TTI1: variants seen among roughly 807,000 people sequenced by gnomAD.
TTI1 encodes TELO2-interacting protein 1 homolog.
In TTI1, 52 loss-of-function variants were observed where a neutral mutation model predicts 85.4. That is an observed-to-expected ratio of 0.61 (90% CI 0.49 to 0.77). The LOEUF is 0.77. Ranked by LOEUF, TTI1 falls within the 30% of genes least tolerant of loss-of-function variation. TTI1 has a pLI of 0.00. For missense variants in TTI1, 1,173 were observed against 1,296.0 expected (o/e 0.91, Z 1.46); for synonymous variants, 512 against 503.9 (o/e 1.02, Z -0.22).
intron 1 of TTI1, among the ~76,000 whole-genome samples, chr20:38,032,193 G>C (rs1320139261): frequency 6.6e-6 from 1 of 152,210 alleles, no homozygotes; most frequent in Non-Finnish European, 1.5e-5. Flanking sequence ...GCTGTCCAAA[G>C]GGGGATAATA....
chr20:38,000,444 C>T (rs1396808432), intron 4 of TTI1: 3 of 155,206 alleles, frequency 1.9e-5, no homozygotes, highest in South Asian at 4.1e-4. Flanking sequence ...AGGCAGCGGT[C>T]AGTACGACGG....
At chr20:38,017,415 T>TGTGTGTGTGA (rs1435928149) in intron 1 of TTI1, among the ~76,000 whole-genome samples, 1 of 150,584 alleles carries the variant, frequency 6.6e-6, no homozygotes, top group Non-Finnish European at 1.5e-5. Flanking sequence ...TGTGTGTGTG[T>TGTGTGTGTGA]GTGTGTGTGT....
chr20:38,028,356 T>G (rs1459791967), intron 1 of TTI1, among the ~76,000 whole-genome samples: 1 of 152,080 alleles, frequency 6.6e-6, no homozygotes, highest in Non-Finnish European at 1.5e-5. Flanking sequence ...TAAGCATTAA[T>G]CAAAGGAAAG....
At chr20:37,992,351 C>CTA (rs1477877943) in intron 7 of TTI1, among the ~76,000 whole-genome samples, 1 of 152,070 alleles carries the variant, frequency 6.6e-6, no homozygotes, top group African/African-American at 2.4e-5. Context: ...TCACGGCTCA[C>CTA]TATGGCCTTA....
Position 38,001,997 on chromosome 20 carries a change from G to A in TTI1, c.2652+631C>T, listed in dbSNP as rs538187391. Among the ~76,000 whole-genome samples the A allele has an allele frequency of 2.2e-3, 333 of 152,240 alleles. 1 individual carries two copies. Among genetic ancestry groups the A allele is most frequent in the Middle Eastern group, 6.8e-3 (2 of 294 alleles). The stretch of plus-strand genomic sequence containing the variant: ...TTCCCAAAGTGCTGGGATTACAGGC[G>A]TGAGCCACCGCGCCTGGCCGACAGT... On this transcript the variant is annotated intron_variant, in intron 4 of 7. Coordinates refer to ENST00000373447, the MANE Select transcript of TTI1 (RefSeq NM_001303457.2).
chr20:38,002,658 CA>C lies in TTI1; in HGVS notation c.2621del (p.Leu874CysfsTer10). 6.2e-7 allele frequency: 1 copy of C among 1,614,102 alleles called. No homozygotes were observed. The highest frequency in any genetic ancestry group is 8.5e-7 in the Non-Finnish European group (1 of 1,179,978). On this transcript the variant is annotated frameshift_variant, in exon 4 of 8. Coordinates refer to ENST00000373447, the MANE Select transcript of TTI1 (RefSeq NM_001303457.2). LOFTEE classifies it high-confidence loss of function. ...GGCGGATTTGCAGATTTTTATCTGA[CA>C]ACAAGTGGATGCAGCGTTCCATCAC... is the stretch of plus-strand genomic sequence containing the variant. ...MDVMERCIHL[L>X]SDKNLQIRLK...
chr20:38,024,205 G>C (rs913602810), intron 1 of TTI1, among the ~76,000 whole-genome samples: 1 of 152,020 alleles, frequency 6.6e-6, no homozygotes, highest in Non-Finnish European at 1.5e-5. Flanking sequence ...TGGAAACTGG[G>C]TAAGTTCTTC....
At chr20:38,024,414 A>G (rs1485587792) in intron 1 of TTI1, among the ~76,000 whole-genome samples, 1 of 152,194 alleles carries the variant, frequency 6.6e-6, no homozygotes. Flanking sequence ...ACAAGAAGAA[A>G]GCAGACTGGT....
At chr20:38,032,560 A>T (rs1373576094) in intron 1 of TTI1, among the ~76,000 whole-genome samples, 1 of 152,146 alleles carries the variant, frequency 6.6e-6, no homozygotes, top group East Asian at 1.9e-4. Flanking sequence ...AAAAAAAAAT[A>T]GGGTCAAGGT....
intron 7 of TTI1, among the ~76,000 whole-genome samples, chr20:37,992,982 G>A (rs1377060431): frequency 2.0e-5 from 3 of 152,184 alleles, no homozygotes; most frequent in Middle Eastern, 6.8e-3. Flanking sequence ...GTAATCCAAC[G>A]CCTACCCTCA....
chr20:38,020,170 TGAACA>T (rs1568628734), intron 1 of TTI1, among the ~76,000 whole-genome samples: 2 of 151,018 alleles, frequency 1.3e-5, no homozygotes, highest in Non-Finnish European at 3.0e-5. Context: ...TAAAGAAAAA[TGAACA>T]GAACAGAGTT....
Position 38,013,464 on chromosome 20 carries a change from T to TCCTCGGAC in TTI1, c.345_352dup (p.Glu118GlyfsTer5), listed in dbSNP as rs1568624578. 4 of 1,613,996 alleles carry TCCTCGGAC rather than the reference T, an allele frequency of 2.5e-6. No homozygotes were observed. Among genetic ancestry groups the TCCTCGGAC allele is most frequent in the South Asian group, 2.2e-5 (2 of 91,072 alleles). ...TCCCTGGATCACAGCCAATTTCAAC[T>TCCTCGGAC]CCTCGGACACAGCCGCAGGTTTTTG... On this transcript the variant is annotated frameshift_variant, in exon 2 of 8. Transcript: ENST00000373447. LOFTEE classifies it high-confidence loss of function.
At chr20:38,014,474 A>G (rs990296312) in intron 1 of TTI1, among the ~76,000 whole-genome samples, 1 of 152,140 alleles carries the variant, frequency 6.6e-6, no homozygotes, top group African/African-American at 2.4e-5. Flanking sequence ...TGTTCCTGTC[A>G]TTAAGAGGTT....
In TTI1 at chr20:37,996,478, A is replaced by G; in HGVS notation, c.2999-16T>C. ...TCACCCTCACCTGCAGAAAAGAAAA[A>G]CAAAACAAGCATCAGCCCTTACACT... On this transcript the variant is annotated splice_polypyrimidine_tract_variant and intron_variant, in intron 6 of 7. Coordinates refer to ENST00000373447, the MANE Select transcript of TTI1 (RefSeq NM_001303457.2). The G allele has an allele frequency of 6.2e-7, 1 of 1,612,500 alleles. No homozygotes were observed. The highest frequency in any genetic ancestry group is 8.5e-7 in the Non-Finnish European group (1 of 1,179,940).
At chr20:38,002,553 C>T (rs1403297840) in intron 4 of TTI1, 75 bp downstream of exon 4, 17 of 1,572,876 alleles carry the variant, frequency 1.1e-5, no homozygotes, top group South Asian at 1.0e-4. Context: ...CGTGCTCATC[C>T]GTGTAGCCAC....
chr20:38,024,360 G>A (rs2073809395), intron 1 of TTI1, among the ~76,000 whole-genome samples: 1 of 151,974 alleles, frequency 6.6e-6, no homozygotes, highest in Non-Finnish European at 1.5e-5. Context: ...TATTCTTTTT[G>A]TTAAGTATAA....
At chr20:38,019,585 A>G (rs1054130357) in intron 1 of TTI1, among the ~76,000 whole-genome samples, 1 of 152,242 alleles carries the variant, frequency 6.6e-6, no homozygotes, top group African/African-American at 2.4e-5. Flanking sequence ...GCAGTAAAAA[A>G]TGGGATACTA....
intron 5 of TTI1, among the ~76,000 whole-genome samples, chr20:37,998,916 T>C (rs1600617466): frequency 1.3e-5 from 2 of 152,340 alleles, no homozygotes; most frequent in South Asian, 4.1e-4. Context: ...AAAGACAATA[T>C]ACCTACCTTG....
At chr20:38,008,975 CTCA>C (rs994185158) in intron 2 of TTI1, among the ~76,000 whole-genome samples, 3 of 151,430 alleles carry the variant, frequency 2.0e-5, no homozygotes, top group African/African-American at 7.4e-5. Context: ...CTCCCTCCAC[CTCA>C]TTTTTTTTTT....
Sources: gnomAD v4.1 joint callset for allele counts (sites outside exome capture counted in the v4.1 genomes callset) on GRCh38, gnomAD v4.1.1 for gene constraint, MANE v1.5 for transcripts, NCBI Gene and HGNC (gene_info 2026-07-23, HGNC 2026-07-21) for gene names.